Variants in JPT1 observed in about 807,000 individuals in gnomAD.
The protein encoded by JPT1 is Jupiter microtubule associated homolog 1, also known as androgen-regulated protein 2.
In JPT1, 5 loss-of-function variants were observed where a neutral mutation model predicts 17.0. The observed-to-expected ratio is 0.29, with a 90% CI of 0.15 to 0.62. The LOEUF is 0.62. JPT1 is among the 20% of genes least tolerant of loss of function. The pLI, the probability that JPT1 is intolerant of heterozygous loss-of-function variation, is 0.85. For missense variants in JPT1, 158 were observed against 188.1 expected, an observed-to-expected ratio of 0.84 and a Z score of 0.94; for synonymous variants, 71 against 73.6, an observed-to-expected ratio of 0.96 and a Z score of 0.18.
chr17:75,137,685 C>CT (rs60118585), intron 4 of JPT1, among the ~76,000 whole-genome samples: 3,734 of 112,238 alleles, frequency 0.033, 332 homozygotes, highest in African/African-American at 0.044. Context: ...CCTAGTTTTC[C>CT]TTTTTTTTTT....
intron 1 of JPT1, chr17:75,149,073 A>G (rs996214764): frequency 1.3e-5 from 16 of 1,274,846 alleles, no homozygotes; most frequent in Non-Finnish European, 1.6e-5. Context: ...AATCATTTCC[A>G]GGCACAGTGG....
At chr17:75,145,033 G>A (rs538673174) in intron 4 of JPT1, among the ~76,000 whole-genome samples, 119 of 151,380 alleles carry the variant, frequency 7.9e-4, no homozygotes, top group African/African-American at 2.8e-3. Context: ...GCATGGTGCC[G>A]CGTGCCTGTA....
intron 3 of JPT1, 25 bp from the exon 4 acceptor site, chr17:75,146,709 T>C (rs1194358991): frequency 2.8e-6 from 4 of 1,441,774 alleles, no homozygotes; most frequent in Admixed American, 2.0e-5. Flanking sequence ...AATTCAAAAA[T>C]TTACTTCCTA....
At chr17:75,137,187 A>C (rs939672328) in intron 4 of JPT1, among the ~76,000 whole-genome samples, 4 of 152,170 alleles carry the variant, frequency 2.6e-5, no homozygotes, top group African/African-American at 9.7e-5. Context: ...CAATTTTCCA[A>C]ATGAATTGTC....
At chr17:75,143,018 C>T (rs2074357080) in intron 4 of JPT1, among the ~76,000 whole-genome samples, 1 of 152,094 alleles carries the variant, frequency 6.6e-6, no homozygotes, top group African/African-American at 2.4e-5. Flanking sequence ...CTCTTTGTGA[C>T]CTCCTGTCCT....
intron 4 of JPT1, among the ~76,000 whole-genome samples, chr17:75,143,718 C>G (rs1162117790): frequency 6.6e-6 from 1 of 152,080 alleles, no homozygotes. Flanking sequence ...TGCCTGTAAT[C>G]TCAGCTACTC....
chr17:75,142,387 C>G (rs1205058263), intron 4 of JPT1, among the ~76,000 whole-genome samples: 3 of 150,876 alleles, frequency 2.0e-5, no homozygotes, highest in African/African-American at 7.3e-5. Context: ...TGTTGAAACT[C>G]TGTCTCTACT....
At chr17:75,148,823 C>T (rs1292668975) in intron 1 of JPT1, 152 bp from the exon 2 acceptor site, 4 of 979,948 alleles carry the variant, frequency 4.1e-6, no homozygotes, top group Non-Finnish European at 3.0e-6. Flanking sequence ...GAATCAACTC[C>T]ATCAGTGTCT....
At chr17:75,140,129 G>A (rs1299210304) in intron 4 of JPT1, among the ~76,000 whole-genome samples, 1 of 151,952 alleles carries the variant, frequency 6.6e-6, no homozygotes, top group Non-Finnish European at 1.5e-5. Flanking sequence ...TGTTGGCCAG[G>A]ATGGTCTTGA....
intron 4 of JPT1, among the ~76,000 whole-genome samples, chr17:75,140,703 C>T (rs1041587142): frequency 1.3e-5 from 2 of 152,338 alleles, no homozygotes; most frequent in East Asian, 3.9e-4. Flanking sequence ...CGGCTCACAC[C>T]TGTAATCCCA....
chr17:75,136,883 G>A (rs2074208842), intron 4 of JPT1, among the ~76,000 whole-genome samples: 5 of 152,264 alleles, frequency 3.3e-5, no homozygotes, highest in South Asian at 4.1e-4. Context: ...ATTCCCAGAG[G>A]TCCCACTGCA....
intron 4 of JPT1, among the ~76,000 whole-genome samples, chr17:75,136,553 G>T (rs1210929968): frequency 6.6e-6 from 1 of 151,984 alleles, no homozygotes; most frequent in Non-Finnish European, 1.5e-5. Flanking sequence ...GTGCAATGGT[G>T]CAGTCTTGGC....
intron 1 of JPT1, 108 bp from the exon 2 acceptor site, chr17:75,148,779 A>C: frequency 8.1e-7 from 1 of 1,240,666 alleles, no homozygotes. Flanking sequence ...CATCTCCCTC[A>C]CCCCTACAAC....
At chr17:75,137,623 C>T (rs1427005713) in intron 4 of JPT1, among the ~76,000 whole-genome samples, 4 of 151,366 alleles carry the variant, frequency 2.6e-5, no homozygotes, top group South Asian at 4.2e-4. Flanking sequence ...CCCATCTCAC[C>T]CTCCCTAAGT....
At position 75,135,323 on chromosome 17, in the gene JPT1, T is replaced by G. The variant is rs1168944541; in HGVS notation, c.*779A>C. 1 of 152,572 alleles carries G rather than the reference T, an allele frequency of 6.6e-6. No individual in the cohort carries two copies. The highest frequency in any genetic ancestry group is 1.9e-4 in the East Asian group (1 of 5,200). 9.5% of individuals were successfully genotyped at this position (152,572 alleles called of 1,614,324 possible). A position where few individuals can be genotyped will look rare whatever the true frequency, so the allele number is the denominator to read the frequency against. ...GTACAACACATTTTAAGGATGAGAC[T>G]TTCCTTTCATGGTCAAGCACCAGCA... On this transcript the variant is annotated 3_prime_UTR_variant, in exon 5 of 5. Transcript: ENST00000409753.
chr17:75,141,850 C>G (rs1362617327), intron 4 of JPT1, among the ~76,000 whole-genome samples: 1 of 152,000 alleles, frequency 6.6e-6, no homozygotes, highest in Non-Finnish European at 1.5e-5. Context: ...GGGTAGATCG[C>G]TTGAGGTCAG....
Position 75,135,415 on chromosome 17 carries a change from C to T in JPT1, c.*687G>A, listed in dbSNP as rs1197034534. ...GGGACCCCGTTCCTGGAGGAAGACCCGCTTCAGTGTGATTGCCTCCCTTGC... is the reference window on the plus strand; with the variant it reads ...GGGACCCCGTTCCTGGAGGAAGACCTGCTTCAGTGTGATTGCCTCCCTTGC... On this transcript the variant is annotated 3_prime_UTR_variant, in exon 5 of 5. Transcript: ENST00000409753. The T allele has an allele frequency of 3.3e-5, 5 of 152,452 alleles. No individual in the cohort carries two copies. The South Asian group carries it at 6.2e-4, about 19-fold the overall frequency. 9.4% of individuals were successfully genotyped at this position (152,452 alleles called of 1,614,324 possible). A position where few individuals can be genotyped will look rare whatever the true frequency, so the allele number is the denominator to read the frequency against.
chr17:75,138,256 C>T (rs1346017117), intron 4 of JPT1, among the ~76,000 whole-genome samples: 5 of 152,182 alleles, frequency 3.3e-5, no homozygotes, highest in African/African-American at 1.2e-4. Context: ...AGCCTCCATA[C>T]TGGGCCTTAG....
At chr17:75,141,819 A>G (rs1598193209) in intron 4 of JPT1, among the ~76,000 whole-genome samples, 1 of 152,100 alleles carries the variant, frequency 6.6e-6, no homozygotes, top group South Asian at 2.1e-4. Context: ...CATGCCTCCC[A>G]GCGCTTTGGG....
Sources: gnomAD v4.1 joint callset for allele counts (sites outside exome capture counted in the v4.1 genomes callset) on GRCh38, gnomAD v4.1.1 for gene constraint, MANE v1.5 for transcripts, NCBI Gene and HGNC (gene_info 2026-07-23, HGNC 2026-07-21) for gene names.